Variants in AUTS2 observed in about 807,000 individuals in gnomAD.
The protein encoded by AUTS2 is activator of transcription and developmental regulator AUTS2.
A neutral mutation model predicts 112.4 loss-of-function variants in AUTS2; 17 were observed. The ratio of observed to expected loss-of-function variants is 0.15; its 90% confidence interval spans 0.10 to 0.23. The LOEUF (loss-of-function observed/expected upper bound fraction) is 0.23. Among genes scored for constraint, AUTS2 ranks in the 10% least tolerant of loss-of-function variants. The pLI is 1.00. For missense variants in AUTS2, 1,510 were observed against 1,701.6 expected, an observed-to-expected ratio of 0.89 and a Z score of 1.98; for synonymous variants, 751 against 702.7, an observed-to-expected ratio of 1.07 and a Z score of -1.09.
At chr7:69,711,223 G>T (rs1798310460) in intron 1 of AUTS2, among the ~76,000 whole-genome samples, 1 of 152,104 alleles carries the variant, frequency 6.6e-6, no homozygotes, top group Non-Finnish European at 1.5e-5. Context: ...GCCTGTTTGT[G>T]CCCCCGTGCA....
Position 70,310,267 on chromosome 7 carries a change from A to G in AUTS2, c.661-125485A>G, listed in dbSNP as rs574715100. Among the ~76,000 whole-genome samples the G allele has an allele frequency of 2.6e-5, 4 of 152,028 alleles. No homozygotes were observed. In the South Asian group the frequency reaches 8.3e-4, roughly 32 times the overall value. ...GGAGATATATGGAAGGACAAGGAGG[A>G]CAGAGGAATTCAATCTCCTATGCAG... On this transcript the variant is annotated intron_variant, in intron 4 of 18. Coordinates refer to ENST00000342771, the MANE Select transcript of AUTS2 (RefSeq NM_015570.4).
At chr7:69,988,189 T>G (rs1798591028) in intron 2 of AUTS2, among the ~76,000 whole-genome samples, 1 of 152,212 alleles carries the variant, frequency 6.6e-6, no homozygotes, top group Admixed American at 6.5e-5. Flanking sequence ...GATTTAAATG[T>G]ATCATCTAAC....
At chr7:69,638,141 C>A (rs1264247117) in intron 1 of AUTS2, among the ~76,000 whole-genome samples, 1 of 152,210 alleles carries the variant, frequency 6.6e-6, no homozygotes, top group East Asian at 1.9e-4. Context: ...GCTTCAGCCT[C>A]CCAAGTAGCT....
chr7:69,848,494 T>TTG (rs1244450140), intron 1 of AUTS2, among the ~76,000 whole-genome samples: 3 of 152,038 alleles, frequency 2.0e-5, no homozygotes, highest in African/African-American at 4.8e-5. Context: ...GCGTGTGTGT[T>TTG]TGTGTGTGTG....
At chr7:69,870,673 T>A (rs1237843053) in intron 1 of AUTS2, among the ~76,000 whole-genome samples, 1 of 151,852 alleles carries the variant, frequency 6.6e-6, no homozygotes, top group African/African-American at 2.4e-5. Flanking sequence ...GTTAACTTAA[T>A]CAGGACAGAC....
At chr7:70,010,495 A>G (rs1410529922) in intron 2 of AUTS2, among the ~76,000 whole-genome samples, 2 of 152,096 alleles carry the variant, frequency 1.3e-5, no homozygotes, top group Non-Finnish European at 2.9e-5. Context: ...TTTCCTCTAC[A>G]TGAAGTTTAG....
chr7:70,346,380 T>C (rs1791497005), intron 4 of AUTS2, among the ~76,000 whole-genome samples: 1 of 152,212 alleles, frequency 6.6e-6, no homozygotes, highest in African/African-American at 2.4e-5. Context: ...AAGCTTTCAG[T>C]GCTGCGATCT....
At chr7:70,118,547 A>G in intron 3 of AUTS2, 1 of 180,498 alleles carries the variant, frequency 5.5e-6, no homozygotes, top group Non-Finnish European at 1.1e-5. Flanking sequence ...GGGAGGCTAA[A>G]GCAGGTGGAT....
intron 18 of AUTS2, 105 bp downstream of exon 18, chr7:70,787,536 C>A: frequency 2.5e-6 from 2 of 790,862 alleles, no homozygotes; most frequent in Non-Finnish European, 4.0e-6. Flanking sequence ...CGTGCTTTAG[C>A]CGCCCCGGTA....
chr7:70,339,559 G>A (rs995694324), intron 4 of AUTS2, among the ~76,000 whole-genome samples: 1 of 152,152 alleles, frequency 6.6e-6, no homozygotes, highest in African/African-American at 2.4e-5. Flanking sequence ...AGCTAGTCTA[G>A]CGTACCTGTT....
chr7:69,888,374 G>T (rs987386853), intron 1 of AUTS2, among the ~76,000 whole-genome samples: 9 of 150,984 alleles, frequency 6.0e-5, no homozygotes, highest in African/African-American at 2.2e-4. Context: ...AGGATGGGGG[G>T]AGGTACCAGT....
At chr7:70,759,365 G>A (rs1041957990) in intron 6 of AUTS2, among the ~76,000 whole-genome samples, 2 of 152,200 alleles carry the variant, frequency 1.3e-5, no homozygotes, top group Non-Finnish European at 2.9e-5. Context: ...TACTCAAAAT[G>A]TGATCCTCAC....
intron 6 of AUTS2, among the ~76,000 whole-genome samples, chr7:70,711,952 A>G (rs1810076444): frequency 6.6e-6 from 1 of 152,100 alleles, no homozygotes; most frequent in Admixed American, 6.5e-5. Context: ...AGAGAGGGCT[A>G]CAGAAATACA....
At chr7:70,698,445 A>T in intron 5 of AUTS2, 124 bp from the exon 6 acceptor site, 2 of 788,968 alleles carry the variant, frequency 2.5e-6, no homozygotes, top group South Asian at 1.9e-5. Context: ...ATTTGGGGAC[A>T]TTGCTGCTTC....
intron 4 of AUTS2, among the ~76,000 whole-genome samples, chr7:70,284,672 T>C (rs574900449): frequency 3.3e-5 from 5 of 152,332 alleles, no homozygotes; most frequent in African/African-American, 1.2e-4. Flanking sequence ...TGAACTTCCA[T>C]TCTGCTTCAC....
At chr7:70,605,600 C>T (rs1803714553) in intron 5 of AUTS2, among the ~76,000 whole-genome samples, 1 of 119,722 alleles carries the variant, frequency 8.4e-6, no homozygotes, top group South Asian at 2.7e-4. Context: ...ATATAAAGCT[C>T]CCACTGAAAT....
At chr7:70,076,509 G>T (rs1803042307) in intron 2 of AUTS2, among the ~76,000 whole-genome samples, 2 of 152,158 alleles carry the variant, frequency 1.3e-5, no homozygotes, top group Non-Finnish European at 2.9e-5. Flanking sequence ...ACTGTAGTTA[G>T]GTAGAATTAT....
chr7:70,125,245 A>ATGTG (rs59747508), intron 3 of AUTS2, among the ~76,000 whole-genome samples: 4,257 of 144,818 alleles, frequency 0.029, 76 homozygotes, highest in Middle Eastern at 0.036. Context: ...TTATTTGGAG[A>ATGTG]TGTGTGTGTG....
At chr7:70,491,627 T>TGTA (rs1562990316) in intron 5 of AUTS2, among the ~76,000 whole-genome samples, 4 of 134,170 alleles carry the variant, frequency 3.0e-5, no homozygotes, top group Admixed American at 7.3e-5. Context: ...GTGTGTGTAT[T>TGTA]TTTTTGAGAC....
Sources: allele counts gnomAD v4.1 joint callset (sites outside exome capture counted in the v4.1 genomes callset), GRCh38; gene constraint gnomAD v4.1.1; transcripts MANE v1.5; gene names NCBI Gene and HGNC (gene_info 2026-07-23, HGNC 2026-07-21).